The following CDH13 variants were observed in gnomAD, a reference collection of about 807,000 sequenced individuals.
The protein encoded by CDH13 is cadherin-13.
A neutral mutation model predicts 63.8 loss-of-function variants in CDH13; 24 were observed. The observed-to-expected ratio is 0.38, with a 90% CI of 0.27 to 0.53. The LOEUF (loss-of-function observed/expected upper bound fraction) is 0.53. CDH13 is among the 20% of genes least tolerant of loss of function. CDH13 has a pLI of 0.85. For synonymous variants in CDH13, 503 were observed against 355.3 expected (o/e 1.42, Z -4.67); for missense variants, 1,049 against 903.1 (o/e 1.16, Z -2.07).
chr16:83,094,680 C>A (rs997819190), intron 3 of CDH13, among the ~76,000 whole-genome samples: 1 of 152,184 alleles, frequency 6.6e-6, no homozygotes, highest in African/African-American at 2.4e-5. Context: ...GGGATCTGAG[C>A]AGCAAATCCC....
chr16:83,778,587 A>C (rs1252145797), intron 11 of CDH13, among the ~76,000 whole-genome samples: 1 of 152,212 alleles, frequency 6.6e-6, no homozygotes, highest in Non-Finnish European at 1.5e-5. Context: ...ATTATCTTAA[A>C]ATAGTATTTC....
intron 7 of CDH13, among the ~76,000 whole-genome samples, chr16:83,557,904 A>G (rs1182526720): frequency 1.3e-5 from 2 of 152,108 alleles, no homozygotes; most frequent in Non-Finnish European, 1.5e-5. Context: ...ACAATATAAA[A>G]GAGAGACTGC....
intron 2 of CDH13, among the ~76,000 whole-genome samples, chr16:82,860,411 G>T (rs150320983): frequency 4.8e-5 from 7 of 147,226 alleles, no homozygotes; most frequent in African/African-American, 1.5e-4. Flanking sequence ...GGCGGTGTGC[G>T]TGTGTGCTTT....
chr16:83,275,127 C>G (rs756488554), intron 5 of CDH13, among the ~76,000 whole-genome samples: 5 of 152,160 alleles, frequency 3.3e-5, no homozygotes, highest in African/African-American at 7.2e-5. Context: ...GTGCCTGGTA[C>G]ACATTAGACA....
chr16:83,755,924 G>A, intron 11 of CDH13, among the ~76,000 whole-genome samples: 1 of 152,078 alleles, frequency 6.6e-6, no homozygotes, highest in Admixed American at 6.5e-5. Context: ...AAATTGTAAG[G>A]ACATAAGGAG....
chr16:83,293,127 A>T (rs140529164), intron 5 of CDH13, among the ~76,000 whole-genome samples: 45 of 152,338 alleles, frequency 3.0e-4, no homozygotes, highest in Admixed American at 1.2e-3. Flanking sequence ...CTCTTTCTAA[A>T]GATGGGTTAT....
chr16:83,712,511 A>T (rs1335731486), intron 10 of CDH13, among the ~76,000 whole-genome samples: 1 of 152,248 alleles, frequency 6.6e-6, no homozygotes, highest in African/African-American at 2.4e-5. Context: ...GGCAAGAATC[A>T]TCAGGGCATG....
intron 3 of CDH13, among the ~76,000 whole-genome samples, chr16:83,118,748 G>A (rs1460246768): frequency 1.3e-5 from 2 of 151,976 alleles, no homozygotes; most frequent in African/African-American, 4.8e-5. Flanking sequence ...CTTTACAGAT[G>A]AGAAAATTTC....
At chr16:83,159,565 T>C (rs768440429) in intron 4 of CDH13, among the ~76,000 whole-genome samples, 21 of 152,160 alleles carry the variant, frequency 1.4e-4, no homozygotes, top group Non-Finnish European at 2.5e-4. Flanking sequence ...TCCTCTGAAA[T>C]TTTGAGCACA....
At chr16:82,702,951 A>G (rs996793589) in intron 1 of CDH13, among the ~76,000 whole-genome samples, 1 of 151,840 alleles carries the variant, frequency 6.6e-6, no homozygotes, top group African/African-American at 2.4e-5. Flanking sequence ...GTGTGCAGGG[A>G]CCTTTTTTTA....
intron 5 of CDH13, among the ~76,000 whole-genome samples, chr16:83,235,226 T>C (rs1385553629): frequency 1.3e-5 from 2 of 151,996 alleles, no homozygotes; most frequent in African/African-American, 2.4e-5. Flanking sequence ...TACACACATA[T>C]ATAAACAAAC....
intron 4 of CDH13, among the ~76,000 whole-genome samples, chr16:83,175,123 A>T (rs1389390289): frequency 1.3e-5 from 2 of 152,118 alleles, no homozygotes; most frequent in African/African-American, 4.8e-5. Context: ...CACAGTGTAG[A>T]TATGAAACGT....
chr16:83,663,559 G>A (rs1320695113), intron 8 of CDH13, among the ~76,000 whole-genome samples: 1 of 152,122 alleles, frequency 6.6e-6, no homozygotes, highest in Admixed American at 6.5e-5. Flanking sequence ...CGAAAAGTTA[G>A]TGTCTACTTA....
At chr16:83,715,175 G>A (rs1445293200) in intron 10 of CDH13, among the ~76,000 whole-genome samples, 1 of 152,156 alleles carries the variant, frequency 6.6e-6, no homozygotes, top group East Asian at 1.9e-4. Context: ...GTTCATGCTG[G>A]CATAAATATT....
At chr16:83,294,840 A>G (rs2089551864) in intron 5 of CDH13, among the ~76,000 whole-genome samples, 2 of 152,152 alleles carry the variant, frequency 1.3e-5, no homozygotes, top group South Asian at 4.1e-4. Flanking sequence ...AATCTATATT[A>G]AAATATCAAT....
chr16:83,252,177 G>T (rs1287289766), intron 5 of CDH13, among the ~76,000 whole-genome samples: 2 of 145,870 alleles, frequency 1.4e-5, no homozygotes, highest in African/African-American at 5.1e-5. Context: ...TGCTAGGCAT[G>T]CCTGGAAGTC....
intron 10 of CDH13, among the ~76,000 whole-genome samples, chr16:83,724,656 C>G (rs1305987568): frequency 6.6e-6 from 1 of 152,148 alleles, no homozygotes; most frequent in Non-Finnish European, 1.5e-5. Flanking sequence ...GGGCTTGTCT[C>G]CTACCATCTC....
At chr16:83,281,787 C>A (rs1443083303) in intron 5 of CDH13, among the ~76,000 whole-genome samples, 2 of 151,730 alleles carry the variant, frequency 1.3e-5, no homozygotes, top group African/African-American at 4.8e-5. Context: ...GTGGCGCGCA[C>A]CTGTAATCCC....
chr16:83,131,491 A>G (rs1369673462), intron 4 of CDH13, among the ~76,000 whole-genome samples: 2 of 152,092 alleles, frequency 1.3e-5, no homozygotes, highest in Non-Finnish European at 2.9e-5. Context: ...AAGTATGACT[A>G]TTTCAAAATT....
Sources: gnomAD v4.1 joint callset for allele counts (sites outside exome capture counted in the v4.1 genomes callset) on GRCh38, gnomAD v4.1.1 for gene constraint, MANE v1.5 for transcripts, NCBI Gene and HGNC (gene_info 2026-07-23, HGNC 2026-07-21) for gene names.